The following LARP1 variants were observed in gnomAD, a reference collection of about 807,000 sequenced individuals.
The protein encoded by LARP1 is la-related protein 1.
Under a neutral mutation model 122.7 loss-of-function variants are expected in LARP1, and 36 were observed. That is an observed-to-expected ratio of 0.29 (90% CI 0.22 to 0.39). The LOEUF (loss-of-function observed/expected upper bound fraction) is 0.39. Ranked by LOEUF, LARP1 falls within the 10% of genes least tolerant of loss-of-function variation. The probability of loss-of-function intolerance (pLI) is 1.00; values close to 1 mark genes in which losing one functional copy is unlikely to be tolerated. For missense variants in LARP1, 1,040 were observed against 1,403.6 expected (o/e 0.74, Z 4.14); for synonymous variants, 539 against 528.7 (o/e 1.02, Z -0.27).
At chr5:154,701,160 A>G (rs1754694243) in intron 1 of LARP1, among the ~76,000 whole-genome samples, 2 of 151,924 alleles carry the variant, frequency 1.3e-5, no homozygotes, top group African/African-American at 4.8e-5. Context: ...TTTTGTCTTA[A>G]TTTAGTGCCA....
At chr5:154,729,102 T>C (rs1756400703) in intron 1 of LARP1, 1 of 152,546 alleles carries the variant, frequency 6.6e-6, no homozygotes, top group South Asian at 2.1e-4. Context: ...AAGCCATTTG[T>C]GCTGCAAGAG....
upstream of LARP1, among the ~76,000 whole-genome samples, chr5:154,709,816 CTGATAGGGTTT>C (rs753840391): frequency 6.6e-6 from 1 of 152,042 alleles, no homozygotes; most frequent in Non-Finnish European, 1.5e-5. Flanking sequence ...TTGCTACTCA[CTGATAGGGTTT>C]TGATATGAGT....
rs982330191 is a variant in LARP1 at position 154,802,574 on chromosome 5, G to A, written c.2109+175G>A. On this transcript the variant is annotated intron_variant, in intron 11 of 18. Coordinates refer to ENST00000518297, the MANE Select transcript of LARP1 (RefSeq NM_033551.3). This position sits in a 1 kb window ranked among gnomAD's most constrained non-coding sequence, Gnocchi z 5.1. ...ATCTAGCTTGGGCATTAGGAGTGAG[G>A]GGTGATGTGTAAACACTGCAAACTC... 6.6e-6 allele frequency among the ~76,000 whole-genome samples: 1 copy of A among 152,154 alleles called. No individual in the cohort carries two copies. Among genetic ancestry groups the A allele is most frequent in the South Asian group, 2.1e-4 (1 of 4,824 alleles).
intron 1 of LARP1, among the ~76,000 whole-genome samples, chr5:154,790,019 A>G (rs747259164): frequency 3.3e-5 from 5 of 152,210 alleles, no homozygotes; most frequent in Admixed American, 6.5e-5. Flanking sequence ...TCCAGGCCTC[A>G]GTCTCTGTTA....
intron 1 of LARP1, among the ~76,000 whole-genome samples, chr5:154,788,725 C>CT (rs1757084019): frequency 6.6e-6 from 1 of 151,172 alleles, no homozygotes; most frequent in African/African-American, 2.4e-5. Flanking sequence ...GGGACTGGAC[C>CT]TACTAGAACA....
chr5:154,784,022 G>T (rs1310433478), intron 1 of LARP1, among the ~76,000 whole-genome samples: 5 of 152,230 alleles, frequency 3.3e-5, no homozygotes, highest in Non-Finnish European at 7.3e-5. Flanking sequence ...TCAAAGCTGG[G>T]CTAGGGCCTG....
chr5:154,783,867 C>G (rs566943909), intron 1 of LARP1, among the ~76,000 whole-genome samples: 1 of 152,254 alleles, frequency 6.6e-6, no homozygotes, highest in Admixed American at 6.5e-5. Flanking sequence ...TCTTTCTGTT[C>G]TCACACCTGT....
At position 154,813,842 on chromosome 5, in the gene LARP1, G is replaced by A. The variant is rs368055996; in HGVS notation, c.3082-45G>A. The A allele has an allele frequency of 1.7e-5, 27 of 1,545,774 alleles. 1 individual carries two copies. The highest frequency in any genetic ancestry group is 4.5e-5 in the South Asian group (4 of 89,414). The stretch of plus-strand genomic sequence containing the variant: ...AGACGGGCCTGGCAAGGAAGAGGGC[G>A]TAGATAGTGCTTCTGATCACCTGTG... On this transcript the variant is annotated intron_variant, in intron 18 of 18. Transcript: ENST00000518297.
At position 154,797,221 on chromosome 5, in the gene LARP1, GTTTTTTTTTTTTT is replaced by G. The variant is rs1158010359; in HGVS notation, c.1377+1919_1377+1931del. ...GGAGTTATTCTGTTTTGTTGTTGTT[GTTTTTTTTTTTTT>G]TTTTTTTTTTTTTTTTGAGACAGAG... On this transcript the variant is annotated intron_variant, in intron 8 of 18. Coordinates refer to ENST00000518297, the MANE Select transcript of LARP1 (RefSeq NM_033551.3). 2.0e-4 allele frequency among the ~76,000 whole-genome samples: 6 copies of G among 29,750 alleles called. No individual in the cohort carries two copies. The South Asian group carries it at 5.1e-3, about 25-fold the overall frequency. The allele number at this position is 29,750 out of a possible 152,430, so 19.5% of individuals were successfully genotyped here.
chr5:154,775,823 A>G (rs1012446703), intron 1 of LARP1, among the ~76,000 whole-genome samples: 3 of 152,152 alleles, frequency 2.0e-5, no homozygotes, highest in African/African-American at 7.2e-5. Flanking sequence ...ATATCCTTGG[A>G]GTCAGATACC....
intron 1 of LARP1, among the ~76,000 whole-genome samples, chr5:154,728,902 T>C (rs1274090216): frequency 1.3e-5 from 2 of 152,130 alleles, no homozygotes; most frequent in Non-Finnish European, 2.9e-5. Context: ...GCCAGGTCAG[T>C]GGATCTGGTA....
chr5:154,790,418 C>G, intron 2 of LARP1, 32 bp downstream of exon 2: 1 of 1,598,220 alleles, frequency 6.3e-7, no homozygotes, highest in Non-Finnish European at 8.6e-7. Flanking sequence ...CCCAAGGGGA[C>G]TTTCTGGAGT....
intron 1 of LARP1, among the ~76,000 whole-genome samples, chr5:154,770,803 C>T (rs1208133222): frequency 2.6e-5 from 4 of 152,108 alleles, no homozygotes; most frequent in Admixed American, 2.0e-4. Flanking sequence ...CTTCATTTCT[C>T]ACAACTTTTA....
rs1753790487 is a variant in LARP1, at chr5:154,755,575, G to A, written c.-183G>A. 1.0e-6 allele frequency: 1 copy of A among 987,556 alleles called. No homozygotes were observed. The allele number at this position is 987,556 out of a possible 1,614,324, so 61.2% of individuals were successfully genotyped here. On this transcript the variant is annotated 5_prime_UTR_variant, in exon 1 of 19. Coordinates refer to ENST00000518297, the MANE Select transcript of LARP1 (RefSeq NM_033551.3). ...CCCCCCCGCCCCGCTAGTGGGCCTC[G>A]GATTTACGGCGGCTGCATCTAACTG...
In LARP1 at chr5:154,802,085, C is replaced by A. The variant is rs760575517; in HGVS notation, c.1795C>A (p.Gln599Lys). Residue 599 changes from glutamine (Q) to lysine (K), a missense_variant, in exon 11 of 19, where the codon CAG becomes AAG. Around this residue, in one of 8 missense-constraint regions of LARP1, gnomAD observed 362 missense variants for 533.1 expected, o/e 0.68. Coordinates refer to ENST00000518297, the MANE Select transcript of LARP1 (RefSeq NM_033551.3). The surrounding 1 kb of genome is among the most constrained non-coding windows in gnomAD (Gnocchi z 5.1). ...LPSQQLMSKD[Q>K]DEQEELDFLF... Reference sequence around the variant, plus strand: ...TTCCCAGCAGCTGATGTCCAAGGATCAGGATGAGCAAGAGGAACTGGATTT... The same window carrying A: ...TTCCCAGCAGCTGATGTCCAAGGATAAGGATGAGCAAGAGGAACTGGATTT... The A allele has an allele frequency of 8.1e-6, 13 of 1,613,988 alleles. No homozygotes were observed. The highest frequency in any genetic ancestry group is 1.7e-6 in the Non-Finnish European group (2 of 1,180,036).
chr5:154,705,807 AAATT>A (rs536555898), intron 1 of LARP1: 2 of 152,360 alleles, frequency 1.3e-5, no homozygotes, highest in East Asian at 3.9e-4. Flanking sequence ...GTAGGAATGT[AAATT>A]AATTCAGTCG....
intron 1 of LARP1, among the ~76,000 whole-genome samples, chr5:154,699,757 G>A (rs1179535870): frequency 6.6e-6 from 1 of 152,098 alleles, no homozygotes; most frequent in African/African-American, 2.4e-5. Flanking sequence ...AGTGGTGGAG[G>A]GACCGAGGTA....
upstream of LARP1, among the ~76,000 whole-genome samples, chr5:154,754,789 C>T (rs1353173207): frequency 1.3e-5 from 2 of 152,294 alleles, no homozygotes; most frequent in African/African-American, 4.8e-5. Flanking sequence ...CAAGGTCACC[C>T]GGGCGGGGAC....
intron 1 of LARP1, among the ~76,000 whole-genome samples, chr5:154,743,512 T>C (rs1418945067): frequency 6.6e-6 from 1 of 152,044 alleles, no homozygotes; most frequent in Non-Finnish European, 1.5e-5. Flanking sequence ...TTTCACCAGA[T>C]TGTCCAGGCT....
Sources: gnomAD v4.1 joint callset for allele counts (sites outside exome capture counted in the v4.1 genomes callset) on GRCh38, gnomAD v4.1.1 for gene constraint, gnomAD v4.1.1 regional missense constraint, Gnocchi (gnomAD v3.1) non-coding constraint, MANE v1.5 for transcripts, NCBI Gene and HGNC (gene_info 2026-07-23, HGNC 2026-07-21) for gene names.